SMARCC1: variants seen among roughly 807,000 people sequenced by gnomAD.
The protein encoded by SMARCC1 is SWI/SNF related BAF chromatin remodeling complex subunit C1.
Under a neutral mutation model 147.4 loss-of-function variants are expected in SMARCC1, and 43 were observed. The observed-to-expected ratio is 0.29, with a 90% confidence interval of 0.23 to 0.38. SMARCC1 has a LOEUF of 0.38. Among genes scored for constraint, SMARCC1 ranks in the 10% least tolerant of loss-of-function variants. SMARCC1 has a pLI of 1.00. For synonymous variants in SMARCC1, 495 were observed against 484.4 expected (o/e 1.02, Z -0.29); for missense variants, 1,119 against 1,381.1 (o/e 0.81, Z 3.01).
intron 2 of SMARCC1, among the ~76,000 whole-genome samples, chr3:47,754,793 A>C (rs1156852451): frequency 6.6e-6 from 1 of 152,336 alleles, no homozygotes; most frequent in South Asian, 2.1e-4. Context: ...CTGTAATGCC[A>C]GAACTTTGGG....
intron 1 of SMARCC1, among the ~76,000 whole-genome samples, chr3:47,778,317 G>A (rs1351934766): frequency 3.4e-5 from 5 of 147,192 alleles, no homozygotes; most frequent in Admixed American, 6.8e-5. Context: ...GTTTTGTTTC[G>A]TTTTGTTTTG....
At chr3:47,733,158 G>A (rs2034396559) in intron 5 of SMARCC1, among the ~76,000 whole-genome samples, 1 of 152,134 alleles carries the variant, frequency 6.6e-6, no homozygotes, top group African/African-American at 2.4e-5. Flanking sequence ...AATACTGTGA[G>A]AATTACCAAA....
At chr3:47,661,129 A>G (rs1559637752) in intron 21 of SMARCC1, among the ~76,000 whole-genome samples, 165 bp downstream of exon 21, 1 of 152,266 alleles carries the variant, frequency 6.6e-6, no homozygotes, top group Non-Finnish European at 1.5e-5. Context: ...TCTAGCTACC[A>G]AAAGAAACAG....
intron 26 of SMARCC1, among the ~76,000 whole-genome samples, chr3:47,602,450 A>G (rs983115158): frequency 5.3e-5 from 8 of 152,112 alleles, no homozygotes; most frequent in Non-Finnish European, 1.5e-5. Flanking sequence ...GGCACACGCC[A>G]CCACACCAAG....
intron 21 of SMARCC1, among the ~76,000 whole-genome samples, chr3:47,653,389 A>G (rs1305992360): frequency 6.6e-6 from 1 of 152,246 alleles, no homozygotes; most frequent in Non-Finnish European, 1.5e-5. Context: ...TTTTCCCTAT[A>G]GTATGATTTT....
At chr3:47,645,452 G>A (rs953300496) in intron 21 of SMARCC1, among the ~76,000 whole-genome samples, 1 of 152,210 alleles carries the variant, frequency 6.6e-6, no homozygotes, top group Non-Finnish European at 1.5e-5. Flanking sequence ...TGAGAAGGCA[G>A]GAGGATGGCT....
At chr3:47,754,116 T>C (rs180847812) in intron 2 of SMARCC1, among the ~76,000 whole-genome samples, 11 of 152,264 alleles carry the variant, frequency 7.2e-5, no homozygotes, top group African/African-American at 2.2e-4. Context: ...CAAAAAGTAT[T>C]AGCATTGACA....
At chr3:47,629,747 G>A (rs879888899) in intron 24 of SMARCC1, among the ~76,000 whole-genome samples, 4 of 152,054 alleles carry the variant, frequency 2.6e-5, no homozygotes, top group South Asian at 2.1e-4. Context: ...ATAGCCCAGC[G>A]ATGAGGTAGT....
chr3:47,629,607 C>G (rs1448336264), intron 24 of SMARCC1, among the ~76,000 whole-genome samples: 2 of 152,130 alleles, frequency 1.3e-5, no homozygotes, highest in Non-Finnish European at 2.9e-5. Flanking sequence ...AAGTTCTAAG[C>G]TTTGTAAAAA....
intron 2 of SMARCC1, among the ~76,000 whole-genome samples, chr3:47,751,927 C>T (rs2034634417): frequency 6.6e-6 from 1 of 151,860 alleles, no homozygotes; most frequent in Non-Finnish European, 1.5e-5. Context: ...ACTAAAAATA[C>T]AAAAAAATTA....
At chr3:47,599,390 T>C (rs2032350257) in intron 26 of SMARCC1, among the ~76,000 whole-genome samples, 1 of 152,176 alleles carries the variant, frequency 6.6e-6, no homozygotes, top group Non-Finnish European at 1.5e-5. Context: ...CTCAAAAAAG[T>C]TATTATAGCA....
chr3:47,614,012 C>A (rs1030264957), intron 25 of SMARCC1, among the ~76,000 whole-genome samples: 1 of 152,014 alleles, frequency 6.6e-6, no homozygotes, highest in Non-Finnish European at 1.5e-5. Flanking sequence ...ACAGTGAGGG[C>A]CACAAAAATC....
Position 47,670,703 on chromosome 3 carries a change from A to G in SMARCC1, c.1854T>C (p.Ser618=). Reference sequence around the variant, plus strand: ...CCTGTTCAGTCCATTCTCTTCCAGCACTAGCACCTTTACTCTAAGGAAACA... The same window carrying G: ...CCTGTTCAGTCCATTCTCTTCCAGCGCTAGCACCTTTACTCTAAGGAAACA... ...KKTLAKSKGA[S]AGREWTEQET... The change falls in exon 19 of 28, where the codon AGT becomes AGC. Residue 618 remains serine (S), a synonymous_variant. Transcript: ENST00000254480. 5 of 1,596,056 alleles carry G rather than the reference A, an allele frequency of 3.1e-6. No homozygotes were observed. Among genetic ancestry groups the G allele is most frequent in the Non-Finnish European group, 4.3e-6 (5 of 1,163,222 alleles).
intron 6 of SMARCC1, among the ~76,000 whole-genome samples, chr3:47,725,273 C>G (rs1401368596): frequency 6.6e-6 from 1 of 151,852 alleles, no homozygotes; most frequent in Non-Finnish European, 1.5e-5. Context: ...ACAAATATAT[C>G]TATACAGCAA....
intron 9 of SMARCC1, among the ~76,000 whole-genome samples, chr3:47,709,623 T>C (rs183069974): frequency 1.3e-5 from 2 of 151,920 alleles, no homozygotes; most frequent in African/African-American, 2.4e-5. Flanking sequence ...CAGGTGGAGG[T>C]TGCAGTGAGC....
Position 47,710,677 on chromosome 3 carries a change from A to T in SMARCC1, c.918+6T>A. ...TAATGATGAGAAACTGTGCCAAAGAAAATACCTCTTCATTCTTGGTTGAAA... is the reference window on the plus strand; with the variant it reads ...TAATGATGAGAAACTGTGCCAAAGATAATACCTCTTCATTCTTGGTTGAAA... On this transcript the variant is annotated splice_donor_region_variant and intron_variant, in intron 9 of 27. Transcript: ENST00000254480. 6.2e-7 allele frequency: 1 copy of T among 1,612,822 alleles called. No individual in the cohort carries two copies. The highest frequency in any genetic ancestry group is 8.5e-7 in the Non-Finnish European group (1 of 1,179,606).
At chr3:47,613,561 T>C (rs1012762109) in intron 25 of SMARCC1, among the ~76,000 whole-genome samples, 1 of 152,084 alleles carries the variant, frequency 6.6e-6, no homozygotes, top group African/African-American at 2.4e-5. Flanking sequence ...GGTTTCACCA[T>C]GTTGGCCAGA....
rs372342858 is a variant in SMARCC1 at position 47,588,267 on chromosome 3, G to A, written c.3260C>T (p.Pro1087Leu). ...PPQQQPPPPP[P>L]ADGVPPPPAP... ...AGGAGGCGGAGGGACCCCATCTGCA[G>A]GTGGTGGTGGCGGTGGCTGCTGCTG... The change falls in exon 28 of 28, where the codon CCT becomes CTT. Residue 1087 changes from proline to leucine, a missense_variant. This residue lies in a region of SMARCC1 where 186 missense variants were observed against 216.5 expected (regional missense o/e 0.86). Transcript: ENST00000254480. The A allele has an allele frequency of 2.5e-6, 4 of 1,613,928 alleles. No homozygotes were observed. In the African/African-American group the frequency reaches 5.3e-5, roughly 22 times the overall value.
intron 6 of SMARCC1, among the ~76,000 whole-genome samples, chr3:47,727,668 C>T (rs914698729): frequency 8.6e-5 from 13 of 151,516 alleles, no homozygotes; most frequent in Admixed American, 5.9e-4. Context: ...CGGGCTAGAG[C>T]GCAGTGGTGC....
Sources: allele counts gnomAD v4.1 joint callset (sites outside exome capture counted in the v4.1 genomes callset), GRCh38; gene constraint gnomAD v4.1.1; regional missense constraint gnomAD v4.1.1; transcripts MANE v1.5; gene names NCBI Gene and HGNC (gene_info 2026-07-23, HGNC 2026-07-21).